Variants in GPHN observed in about 807,000 individuals in gnomAD.
GPHN encodes gephyrin.
GPHN carries 17 observed loss-of-function variants against 95.5 expected under a neutral mutation model. The ratio of observed to expected loss-of-function variants is 0.18; its 90% confidence interval spans 0.12 to 0.27. The LOEUF (loss-of-function observed/expected upper bound fraction) is 0.27. GPHN is among the 10% of genes least tolerant of loss of function. The pLI is 1.00. For synonymous variants in GPHN, 320 were observed against 322.5 expected, an observed-to-expected ratio of 0.99 and a Z score of 0.08; for missense variants, 660 against 978.1, an observed-to-expected ratio of 0.67 and a Z score of 4.34.
At chr14:66,539,729 A>G (rs896946256) in intron 1 of GPHN, among the ~76,000 whole-genome samples, 4 of 151,928 alleles carry the variant, frequency 2.6e-5, no homozygotes, top group Non-Finnish European at 4.4e-5. Context: ...CCTGCTTTCT[A>G]CTTTCACCAG....
At chr14:67,650,289 C>A in the GPHN span, 53,180 of 223,168 alleles carry the variant, frequency 0.24, 7,355 homozygotes, top group East Asian at 0.45. Context: ...TTGGCTAGTG[C>A]AAGTGGCAGA....
At chr14:67,113,607 T>C (rs2078501879) in intron 16 of GPHN, among the ~76,000 whole-genome samples, 1 of 152,224 alleles carries the variant, frequency 6.6e-6, no homozygotes, top group South Asian at 2.1e-4. Flanking sequence ...CTAGCACTTC[T>C]TGTGAAAAGT....
chr14:66,670,191 T>C (rs771728552), intron 1 of GPHN, among the ~76,000 whole-genome samples: 2 of 152,176 alleles, frequency 1.3e-5, no homozygotes, highest in Non-Finnish European at 2.9e-5. Flanking sequence ...AGGTTTTCCA[T>C]GTTACTGCTG....
At chr14:66,906,841 C>T (rs1055484366) in intron 5 of GPHN, among the ~76,000 whole-genome samples, 1 of 152,132 alleles carries the variant, frequency 6.6e-6, no homozygotes, top group African/African-American at 2.4e-5. Context: ...AGAAGTTACT[C>T]TATAATTTCA....
chr14:67,078,603 A>G (rs1214609382), intron 11 of GPHN, among the ~76,000 whole-genome samples: 3 of 152,144 alleles, frequency 2.0e-5, no homozygotes, highest in African/African-American at 7.2e-5. Context: ...AGACAGTCCC[A>G]TGTGGTTAAG....
the GPHN span, among the ~76,000 whole-genome samples, chr14:67,375,364 T>C: frequency 3.3e-5 from 5 of 151,910 alleles, no homozygotes; most frequent in East Asian, 7.7e-4. Flanking sequence ...CAAGCGATCC[T>C]CTCGCCTCTG....
the GPHN span, chr14:67,388,364 C>G: frequency 1.0e-6 from 1 of 957,214 alleles, no homozygotes; most frequent in Admixed American, 1.7e-5. Flanking sequence ...GAGTTGCACT[C>G]CCCTTACAAC....
chr14:67,170,036 C>T (rs2082508179), intron 21 of GPHN, among the ~76,000 whole-genome samples: 1 of 152,124 alleles, frequency 6.6e-6, no homozygotes, highest in South Asian at 2.1e-4. Flanking sequence ...CGAGATTATG[C>T]CATTGCACTT....
intron 9 of GPHN, chr14:66,985,577 G>A (rs2070970075): frequency 1.4e-6 from 1 of 697,164 alleles, no homozygotes; most frequent in South Asian, 1.7e-5. Flanking sequence ...CTACCACAGA[G>A]AGTCAATTGA....
the GPHN span, among the ~76,000 whole-genome samples, chr14:67,640,374 G>T: frequency 6.6e-6 from 1 of 152,098 alleles, no homozygotes; most frequent in Admixed American, 6.5e-5. Flanking sequence ...AAGGGCTGGG[G>T]AGGAAAAAAA....
At chr14:67,372,660 C>T in the GPHN span, among the ~76,000 whole-genome samples, 1 of 152,058 alleles carries the variant, frequency 6.6e-6, no homozygotes, top group East Asian at 1.9e-4. Context: ...GAAACCCCGT[C>T]TCTACTAAAA....
At chr14:67,126,028 A>G (rs1162472009) in intron 17 of GPHN, among the ~76,000 whole-genome samples, 1 of 152,188 alleles carries the variant, frequency 6.6e-6, no homozygotes, top group East Asian at 1.9e-4. Flanking sequence ...TATACCTTTT[A>G]TTTTAAAAGG....
the GPHN span, among the ~76,000 whole-genome samples, chr14:67,219,779 C>A: frequency 5.9e-5 from 9 of 152,134 alleles, no homozygotes; most frequent in Non-Finnish European, 1.3e-4. Flanking sequence ...CTTCTCAGCT[C>A]CCTACGCCAT....
chr14:67,648,706 G>T, the GPHN span: 1 of 152,266 alleles, frequency 6.6e-6, no homozygotes, highest in African/African-American at 2.4e-5. Flanking sequence ...ATGGCTGATG[G>T]AAAGAGTACT....
the GPHN span, among the ~76,000 whole-genome samples, chr14:67,518,395 A>C: frequency 6.6e-6 from 1 of 152,352 alleles, no homozygotes; most frequent in East Asian, 1.9e-4. Flanking sequence ...GGCAGTTGTA[A>C]GAGTAAGTAG....
At chr14:67,442,811 A>G in the GPHN span, among the ~76,000 whole-genome samples, 1 of 152,244 alleles carries the variant, frequency 6.6e-6, no homozygotes, top group African/African-American at 2.4e-5. Flanking sequence ...GTGTGGAAGG[A>G]CGAACATGTG....
chr14:66,619,505 A>G (rs1226577608), intron 1 of GPHN, among the ~76,000 whole-genome samples: 3 of 146,758 alleles, frequency 2.0e-5, no homozygotes, highest in Non-Finnish European at 3.0e-5. Flanking sequence ...TTTTTTTACC[A>G]TATGTATATC....
the GPHN span, among the ~76,000 whole-genome samples, chr14:67,377,174 C>T: frequency 1.3e-5 from 2 of 152,194 alleles, no homozygotes; most frequent in African/African-American, 2.4e-5. Context: ...CACCATGATA[C>T]ATCATTTTAA....
intron 10 of GPHN, among the ~76,000 whole-genome samples, chr14:67,030,082 C>T (rs1157497581): frequency 1.3e-5 from 2 of 151,390 alleles, no homozygotes; most frequent in Non-Finnish European, 2.9e-5. Flanking sequence ...TATGCATGAG[C>T]AAGACCATCT....
Sources: gnomAD v4.1 joint callset for allele counts (sites outside exome capture counted in the v4.1 genomes callset) on GRCh38, gnomAD v4.1.1 for gene constraint, MANE v1.5 for transcripts, NCBI Gene and HGNC (gene_info 2026-07-23, HGNC 2026-07-21) for gene names.